VPS37A: variants seen among roughly 807,000 people sequenced by gnomAD.
VPS37A encodes vacuolar protein sorting-associated protein 37A.
Under a neutral mutation model 49.8 loss-of-function variants are expected in VPS37A, and 30 were observed. That is an observed-to-expected ratio of 0.60 (90% CI 0.45 to 0.82). VPS37A has a LOEUF of 0.82. VPS37A is among the 40% of genes least tolerant of loss of function. The pLI is 0.00. For missense variants in VPS37A, 593 were observed against 464.4 expected (o/e 1.28, Z -2.55); for synonymous variants, 195 against 160.6 (o/e 1.21, Z -1.62).
At chr8:17,276,040 T>C (rs1814480569) in intron 5 of VPS37A, among the ~76,000 whole-genome samples, 1 of 152,176 alleles carries the variant, frequency 6.6e-6, no homozygotes, top group Non-Finnish European at 1.5e-5. Flanking sequence ...ATTCAGACTG[T>C]TGATAAATTA....
At chr8:17,256,396 C>T (rs548848530) in intron 1 of VPS37A, among the ~76,000 whole-genome samples, 105 of 144,170 alleles carry the variant, frequency 7.3e-4, no homozygotes, top group African/African-American at 2.7e-3. Context: ...CAGTCTTGCA[C>T]GTAACTGGGT....
chr8:17,272,606 G>A (rs1328854025), intron 4 of VPS37A, among the ~76,000 whole-genome samples: 1 of 152,026 alleles, frequency 6.6e-6, no homozygotes, highest in African/African-American at 2.4e-5. Flanking sequence ...AAAGCAGATT[G>A]GGTCAGAATT....
At chr8:17,261,133 G>A (rs1159285724) in intron 1 of VPS37A, among the ~76,000 whole-genome samples, 2 of 152,098 alleles carry the variant, frequency 1.3e-5, no homozygotes, top group African/African-American at 2.4e-5. Context: ...GCAATATTCT[G>A]TATTTCGTAG....
At chr8:17,250,628 C>T (rs912263974) in intron 1 of VPS37A, among the ~76,000 whole-genome samples, 2 of 152,166 alleles carry the variant, frequency 1.3e-5, no homozygotes, top group Non-Finnish European at 2.9e-5. Context: ...TCTGTCATCT[C>T]CCTTCCAACT....
chr8:17,290,793 G>C (rs1816068776), intron 11 of VPS37A, among the ~76,000 whole-genome samples: 1 of 152,180 alleles, frequency 6.6e-6, no homozygotes, highest in Non-Finnish European at 1.5e-5. Flanking sequence ...ATTTGGCTAT[G>C]AATCAGTCTG....
chr8:17,312,430 C>A, the VPS37A span, among the ~76,000 whole-genome samples: 2,800 of 152,106 alleles, frequency 0.018, 106 homozygotes, highest in African/African-American at 0.064. Context: ...CAAAAATTAG[C>A]CAGGCATAGT....
intron 1 of VPS37A, among the ~76,000 whole-genome samples, chr8:17,249,341 A>G (rs1811760042): frequency 6.6e-6 from 1 of 152,220 alleles, no homozygotes; most frequent in Non-Finnish European, 1.5e-5. Context: ...TTGGATACAG[A>G]AAGGATTCAT....
At chr8:17,266,256 A>G (rs6998299) in intron 2 of VPS37A, among the ~76,000 whole-genome samples, 1 of 151,988 alleles carries the variant, frequency 6.6e-6, no homozygotes, top group Admixed American at 6.5e-5. Flanking sequence ...AAATCTTAGC[A>G]GGAGGTATGC....
At chr8:17,271,926 C>G (rs1281308890) in intron 4 of VPS37A, 1 of 450,272 alleles carries the variant, frequency 2.2e-6, no homozygotes, top group Admixed American at 2.4e-5. Context: ...ATTTTCAAAT[C>G]CAGGAAATCT....
chr8:17,274,044 A>T (rs1046675010), intron 4 of VPS37A, among the ~76,000 whole-genome samples: 4 of 152,196 alleles, frequency 2.6e-5, no homozygotes, highest in African/African-American at 9.6e-5. Flanking sequence ...AATTACTCTA[A>T]TGCTTTTTAG....
chr8:17,300,777 A>G (rs1219319375), downstream of VPS37A, among the ~76,000 whole-genome samples: 1 of 152,114 alleles, frequency 6.6e-6, no homozygotes, highest in Non-Finnish European at 1.5e-5. Flanking sequence ...TCCCATTCCT[A>G]TCTCCCCACA....
At chr8:17,324,389 A>C in the VPS37A span, among the ~76,000 whole-genome samples, 3 of 152,190 alleles carry the variant, frequency 2.0e-5, no homozygotes, top group African/African-American at 4.8e-5. Flanking sequence ...TTCAGATTGG[A>C]AACAGTGGCT....
downstream of VPS37A, among the ~76,000 whole-genome samples, chr8:17,301,218 T>G (rs140248091): frequency 1.5e-4 from 23 of 151,838 alleles, no homozygotes; most frequent in East Asian, 4.5e-3. Flanking sequence ...GAACATGGAG[T>G]AGTGGAGCAG....
downstream of VPS37A, among the ~76,000 whole-genome samples, chr8:17,307,030 T>C (rs977247851): frequency 1.2e-4 from 19 of 152,110 alleles, no homozygotes; most frequent in African/African-American, 4.6e-4. Flanking sequence ...AAAGACAAAA[T>C]TGACAGATGG....
At chr8:17,285,576 C>A (rs1815512781) in intron 10 of VPS37A, among the ~76,000 whole-genome samples, 4 of 152,128 alleles carry the variant, frequency 2.6e-5, no homozygotes, top group Admixed American at 2.6e-4. Flanking sequence ...ATCTGTGAGA[C>A]ATACACACAC....
chr8:17,251,217 G>T (rs1811945163), intron 1 of VPS37A, among the ~76,000 whole-genome samples: 1 of 152,162 alleles, frequency 6.6e-6, no homozygotes, highest in African/African-American at 2.4e-5. Flanking sequence ...CTCTTGGTTA[G>T]TGGGAGTTGG....
chr8:17,267,537 G>T, intron 2 of VPS37A, among the ~76,000 whole-genome samples: 1 of 151,992 alleles, frequency 6.6e-6, no homozygotes, highest in Admixed American at 6.6e-5. Flanking sequence ...CTCTAACTTG[G>T]GAGAGATGTG....
intron 1 of VPS37A, among the ~76,000 whole-genome samples, chr8:17,256,412 G>T (rs1469300182): frequency 6.9e-6 from 1 of 145,506 alleles, no homozygotes; most frequent in African/African-American, 2.6e-5. Flanking sequence ...TGGGTTTACA[G>T]GCGCACACCA....
chr8:17,265,658 G>GT (rs1301273224), intron 1 of VPS37A: 5 of 931,576 alleles, frequency 5.4e-6, no homozygotes, highest in African/African-American at 3.3e-5. Context: ...TTAATGAAGA[G>GT]TTTTTTCTTG....
Sources: allele counts gnomAD v4.1 joint callset (sites outside exome capture counted in the v4.1 genomes callset), GRCh38; gene constraint gnomAD v4.1.1; transcripts MANE v1.5; gene names NCBI Gene and HGNC (gene_info 2026-07-23, HGNC 2026-07-21).